Variants in ITGA9 observed in about 807,000 individuals in gnomAD.
The protein encoded by ITGA9 is integrin alpha-9.
In ITGA9, 56 loss-of-function variants were observed where a neutral mutation model predicts 127.8. The ratio of observed to expected loss-of-function variants is 0.44; its 90% CI spans 0.35 to 0.55. The LOEUF is 0.55. Ranked by LOEUF, ITGA9 falls within the 20% of genes least tolerant of loss-of-function variation. The pLI is 0.00. For synonymous variants in ITGA9, 508 were observed against 514.5 expected (o/e 0.99, Z 0.17); for missense variants, 1,196 against 1,347.1 (o/e 0.89, Z 1.76).
At chr3:37,674,411 G>A (rs1371002703) in intron 17 of ITGA9, among the ~76,000 whole-genome samples, 1 of 152,204 alleles carries the variant, frequency 6.6e-6, no homozygotes, top group African/African-American at 2.4e-5. Flanking sequence ...TGGGGAAGCT[G>A]AGAGCAGCCT....
chr3:37,490,861 C>G (rs1303997038), intron 4 of ITGA9, among the ~76,000 whole-genome samples: 2 of 151,716 alleles, frequency 1.3e-5, no homozygotes, highest in Admixed American at 6.6e-5. Context: ...CCAAGTAATT[C>G]AAACCCACCC....
chr3:37,691,889 G>C (rs963839775), intron 18 of ITGA9, among the ~76,000 whole-genome samples: 7 of 152,210 alleles, frequency 4.6e-5, no homozygotes, highest in African/African-American at 7.2e-5. Flanking sequence ...TTGCTGGCTG[G>C]AATATTTGTA....
chr3:37,708,226 C>G (rs1701029030), intron 18 of ITGA9, among the ~76,000 whole-genome samples: 2 of 152,182 alleles, frequency 1.3e-5, no homozygotes, highest in South Asian at 4.1e-4. Context: ...GCTAGTGGCT[C>G]TCATCCCCAG....
At chr3:37,593,181 C>T (rs949987598) in intron 15 of ITGA9, among the ~76,000 whole-genome samples, 10 of 152,148 alleles carry the variant, frequency 6.6e-5, no homozygotes, top group African/African-American at 2.2e-4. Flanking sequence ...AAGGTGGCAT[C>T]GTATTTGTAT....
chr3:37,516,718 A>G (rs1278642221), intron 9 of ITGA9, among the ~76,000 whole-genome samples: 1 of 152,186 alleles, frequency 6.6e-6, no homozygotes, highest in Admixed American at 6.5e-5. Context: ...TGTAGGATAT[A>G]GTGGGCCCAG....
intron 18 of ITGA9, among the ~76,000 whole-genome samples, chr3:37,696,070 A>G (rs1301482064): frequency 6.6e-6 from 1 of 152,244 alleles, no homozygotes; most frequent in Non-Finnish European, 1.5e-5. Context: ...CTCCTTTTAA[A>G]GAGCTTTCCT....
intron 17 of ITGA9, among the ~76,000 whole-genome samples, chr3:37,662,783 C>T (rs1700550726): frequency 1.3e-5 from 2 of 152,248 alleles, no homozygotes; most frequent in African/African-American, 2.4e-5. Flanking sequence ...TACGAAAAGT[C>T]GAAGCAAAGG....
intron 16 of ITGA9, among the ~76,000 whole-genome samples, chr3:37,644,537 A>T (rs1044738167): frequency 1.3e-5 from 2 of 152,202 alleles, no homozygotes; most frequent in African/African-American, 4.8e-5. Flanking sequence ...CCATGACAGA[A>T]TATATCAATG....
At chr3:37,619,587 G>T (rs1485594131) in intron 15 of ITGA9, among the ~76,000 whole-genome samples, 1 of 152,174 alleles carries the variant, frequency 6.6e-6, no homozygotes, top group East Asian at 1.9e-4. Context: ...AATGGGGCAG[G>T]TATTAGTTTT....
At chr3:37,521,152 G>A (rs1699040353) in intron 11 of ITGA9, among the ~76,000 whole-genome samples, 1 of 152,168 alleles carries the variant, frequency 6.6e-6, no homozygotes, top group Non-Finnish European at 1.5e-5. Context: ...AACTATGACT[G>A]TACGTTCCCA....
At chr3:37,530,599 G>A (rs143137728) in intron 13 of ITGA9, among the ~76,000 whole-genome samples, 1 of 152,200 alleles carries the variant, frequency 6.6e-6, no homozygotes, top group East Asian at 1.9e-4. Context: ...CTTGCAGAAG[G>A]CCAAGGCACC....
intron 16 of ITGA9, among the ~76,000 whole-genome samples, chr3:37,645,720 A>G (rs546967129): frequency 1.3e-5 from 2 of 152,308 alleles, no homozygotes; most frequent in African/African-American, 4.8e-5. Flanking sequence ...ATCCATGTCA[A>G]TAATTGTATT....
intron 18 of ITGA9, among the ~76,000 whole-genome samples, chr3:37,705,392 T>G (rs1305939541): frequency 6.6e-6 from 1 of 152,200 alleles, no homozygotes; most frequent in Non-Finnish European, 1.5e-5. Context: ...GTTAAAGGCC[T>G]AAAAGGTTGC....
intron 18 of ITGA9, among the ~76,000 whole-genome samples, chr3:37,697,963 C>T (rs1700903340): frequency 6.6e-6 from 1 of 152,192 alleles, no homozygotes; most frequent in South Asian, 2.1e-4. Flanking sequence ...AGTGTAAAAG[C>T]ATTCCTATTT....
intron 2 of ITGA9, among the ~76,000 whole-genome samples, chr3:37,472,072 T>G (rs764550504): frequency 2.0e-5 from 3 of 151,878 alleles, no homozygotes; most frequent in Non-Finnish European, 4.4e-5. Context: ...GATAAAAAAA[T>G]AAAATAAAAG....
chr3:37,669,304 G>T (rs1380204569), intron 17 of ITGA9, among the ~76,000 whole-genome samples: 1 of 152,212 alleles, frequency 6.6e-6, no homozygotes, highest in Non-Finnish European at 1.5e-5. Context: ...GCCAATGGCT[G>T]GCTGATTTGG....
intron 17 of ITGA9, among the ~76,000 whole-genome samples, chr3:37,656,305 T>C (rs1413074281): frequency 6.6e-6 from 1 of 152,232 alleles, no homozygotes; most frequent in Non-Finnish European, 1.5e-5. Flanking sequence ...TTTCACGATA[T>C]TGATTCTTTG....
At chr3:37,674,074 A>G (rs1232384887) in intron 17 of ITGA9, among the ~76,000 whole-genome samples, 1 of 152,234 alleles carries the variant, frequency 6.6e-6, no homozygotes, top group African/African-American at 2.4e-5. Context: ...CTAAAGGCTG[A>G]TGTTGGCGGC....
At chr3:37,569,668 CTT>C (rs2125604061) in intron 15 of ITGA9, among the ~76,000 whole-genome samples, 1 of 152,284 alleles carries the variant, frequency 6.6e-6, no homozygotes, top group South Asian at 2.1e-4. Context: ...AAATCTGAAA[CTT>C]TTTGAGTGCT....
Sources: gnomAD v4.1 joint callset for allele counts (sites outside exome capture counted in the v4.1 genomes callset) on GRCh38, gnomAD v4.1.1 for gene constraint, MANE v1.5 for transcripts, NCBI Gene and HGNC (gene_info 2026-07-23, HGNC 2026-07-21) for gene names.